NCOA2: variants seen among roughly 807,000 people sequenced by gnomAD.
NCOA2 encodes nuclear receptor coactivator 2.
Under a neutral mutation model 145.1 loss-of-function variants are expected in NCOA2, and 21 were observed. The ratio of observed to expected loss-of-function variants is 0.14; its 90% CI spans 0.10 to 0.21. The LOEUF (loss-of-function observed/expected upper bound fraction) is 0.21. NCOA2 is among the 10% of genes least tolerant of loss of function. The pLI, the probability that NCOA2 is intolerant of heterozygous loss-of-function variation, is 1.00. For synonymous variants in NCOA2, 619 were observed against 637.5 expected, an observed-to-expected ratio of 0.97 and a Z score of 0.44; for missense variants, 1,472 against 1,837.6, an observed-to-expected ratio of 0.80 and a Z score of 3.64.
At chr8:70,447,193 T>C in the NCOA2 span, among the ~76,000 whole-genome samples, 1 of 152,166 alleles carries the variant, frequency 6.6e-6, no homozygotes, top group African/African-American at 2.4e-5. Flanking sequence ...TAACACATTG[T>C]CACTGAGTGG....
the NCOA2 span, among the ~76,000 whole-genome samples, chr8:70,442,594 C>G: frequency 6.6e-6 from 1 of 152,144 alleles, no homozygotes; most frequent in African/African-American, 2.4e-5. Flanking sequence ...TAGCACACGC[C>G]TAATTGTGAA....
chr8:70,391,637 C>T (rs1222968717), intron 1 of NCOA2, among the ~76,000 whole-genome samples: 1 of 152,176 alleles, frequency 6.6e-6, no homozygotes, highest in Non-Finnish European at 1.5e-5. Flanking sequence ...AAGTCTGACA[C>T]CCCAAAATTG....
At chr8:70,294,388 A>G (rs1826927473) in intron 2 of NCOA2, among the ~76,000 whole-genome samples, 4 of 152,204 alleles carry the variant, frequency 2.6e-5, no homozygotes, top group Admixed American at 2.0e-4. Context: ...ATGCTGATTC[A>G]TATTAATAGC....
intron 4 of NCOA2, among the ~76,000 whole-genome samples, chr8:70,186,524 A>AT (rs1453360392): frequency 6.6e-6 from 1 of 152,208 alleles, no homozygotes; most frequent in East Asian, 1.9e-4. Context: ...CACTAAGATC[A>AT]TCAGGGCCCT....
intron 4 of NCOA2, among the ~76,000 whole-genome samples, chr8:70,194,138 T>C (rs926783934): frequency 2.0e-5 from 3 of 152,204 alleles, no homozygotes; most frequent in African/African-American, 7.2e-5. Flanking sequence ...GGGGTTTCCT[T>C]TTGTACAAAA....
At chr8:70,341,916 A>G (rs1808176767) in intron 1 of NCOA2, among the ~76,000 whole-genome samples, 1 of 152,230 alleles carries the variant, frequency 6.6e-6, no homozygotes, top group Admixed American at 6.5e-5. Context: ...ATTCCATACA[A>G]AAACTTTTTC....
chr8:70,359,582 T>C (rs1174217975), intron 1 of NCOA2, among the ~76,000 whole-genome samples: 1 of 152,176 alleles, frequency 6.6e-6, no homozygotes, highest in South Asian at 2.1e-4. Context: ...AAGGAAAAAC[T>C]GTTTAATGGA....
rs866931339 is a variant in NCOA2 at position 70,202,555 on chromosome 8, C to T, written c.259+11348G>A. On this transcript the variant is annotated intron_variant, in intron 4 of 22. Coordinates refer to ENST00000452400, the MANE Select transcript of NCOA2 (RefSeq NM_006540.4). ...GTCACATGCCACAAAATGGATGAACCTTGAGGACATTAAGCCATGTGAAAG... is the reference window on the plus strand; with the variant it reads ...GTCACATGCCACAAAATGGATGAACTTTGAGGACATTAAGCCATGTGAAAG... Among the ~76,000 whole-genome samples, 5 of 152,190 alleles carry T rather than the reference C, an allele frequency of 3.3e-5. No individual in the cohort carries two copies. In the South Asian group the frequency reaches 1.0e-3, roughly 32 times the overall value.
intron 10 of NCOA2, among the ~76,000 whole-genome samples, chr8:70,159,242 A>ATTTTTTTTTTTTTTTT (rs763150293): frequency 3.3e-5 from 2 of 61,078 alleles, no homozygotes; most frequent in African/African-American, 1.1e-4. Context: ...ATATATATAT[A>ATTTTTTTTTTTTTTTT]TTTTTTTTTT....
chr8:70,353,205 C>A (rs1221458981), intron 1 of NCOA2, among the ~76,000 whole-genome samples: 2 of 151,718 alleles, frequency 1.3e-5, no homozygotes, highest in Non-Finnish European at 2.9e-5. Flanking sequence ...GGAAAACCAA[C>A]CACCTTAAGA....
Position 70,113,610 on chromosome 8 carries a change from G to C in NCOA2, c.*22C>G. The C allele has an allele frequency of 1.3e-6, 2 of 1,551,884 alleles. No homozygotes were observed. Among genetic ancestry groups the C allele is most frequent in the Non-Finnish European group, 1.7e-6 (2 of 1,146,984 alleles). ...GAGCAAGTGAGCCCGGTCAGCTGAA[G>C]AAGCAACTGGCTTCAGCAGTGTCAG... On this transcript the variant is annotated 3_prime_UTR_variant, in exon 23 of 23. Coordinates refer to ENST00000452400, the MANE Select transcript of NCOA2 (RefSeq NM_006540.4).
At chr8:70,146,324 T>C (rs771294103) in intron 12 of NCOA2, among the ~76,000 whole-genome samples, 2 of 152,234 alleles carry the variant, frequency 1.3e-5, no homozygotes, top group Admixed American at 6.5e-5. Context: ...TACTAAGCAC[T>C]AGACCAGCAT....
rs57813061 is a variant in NCOA2 at position 70,133,200 on chromosome 8, C to CTTTTTTT, written c.3159-1205_3159-1199dup. On this transcript the variant is annotated intron_variant, in intron 15 of 22. Coordinates refer to ENST00000452400, the MANE Select transcript of NCOA2 (RefSeq NM_006540.4). ...TGTGTGCCACCACAACTGGCTGCTACTTTTTTTTTTTTTTTTTTTTGGTAA... is the reference window on the plus strand; with the variant it reads ...TGTGTGCCACCACAACTGGCTGCTACTTTTTTTTTTTTTTTTTTTTTTTTTTTGGTAA... Among the ~76,000 whole-genome samples, 928 of 106,824 alleles carry CTTTTTTT rather than the reference C, an allele frequency of 8.7e-3. 9 individuals carry two copies. The highest frequency in any genetic ancestry group is 0.014 in the East Asian group (44 of 3,080). 70.1% of individuals were successfully genotyped at this position (106,824 alleles called of 152,430 possible).
intron 15 of NCOA2, among the ~76,000 whole-genome samples, chr8:70,132,459 A>C (rs1215931926): frequency 6.6e-6 from 1 of 152,254 alleles, no homozygotes; most frequent in East Asian, 1.9e-4. Flanking sequence ...AAATGAGAGA[A>C]CTAGAGGCAT....
intron 13 of NCOA2, among the ~76,000 whole-genome samples, chr8:70,143,418 C>A (rs1417651520): frequency 6.6e-6 from 1 of 152,154 alleles, no homozygotes; most frequent in African/African-American, 2.4e-5. Context: ...CTTAATAAAT[C>A]ATGGCTCCTT....
At chr8:70,169,452 T>C (rs1813985261) in intron 6 of NCOA2, among the ~76,000 whole-genome samples, 1 of 152,218 alleles carries the variant, frequency 6.6e-6, no homozygotes, top group African/African-American at 2.4e-5. Flanking sequence ...ATTTTATTTT[T>C]AGAATGTGTA....
intron 1 of NCOA2, among the ~76,000 whole-genome samples, chr8:70,336,833 T>C (rs893809023): frequency 9.9e-5 from 15 of 152,166 alleles, no homozygotes; most frequent in Admixed American, 6.5e-5. Context: ...CGCATTCTGC[T>C]TATCCATTCA....
At chr8:70,209,790 T>C (rs1818825473) in intron 4 of NCOA2, among the ~76,000 whole-genome samples, 2 of 152,242 alleles carry the variant, frequency 1.3e-5, no homozygotes, top group African/African-American at 4.8e-5. Context: ...AGTATAACTT[T>C]TATACACCCT....
chr8:70,402,870 C>A (rs1814462877), intron 1 of NCOA2, among the ~76,000 whole-genome samples: 2 of 145,980 alleles, frequency 1.4e-5, no homozygotes, highest in South Asian at 2.1e-4. Flanking sequence ...CGCCGGGGCC[C>A]GGCCCCCGGC....
Sources: gnomAD v4.1 joint callset for allele counts (sites outside exome capture counted in the v4.1 genomes callset) on GRCh38, gnomAD v4.1.1 for gene constraint, MANE v1.5 for transcripts, NCBI Gene and HGNC (gene_info 2026-07-23, HGNC 2026-07-21) for gene names.